The following CRAMP1 variants were observed in gnomAD, a reference collection of about 807,000 sequenced individuals.
CRAMP1 encodes the protein protein cramped-like.
Under a neutral mutation model 115.4 loss-of-function variants are expected in CRAMP1, and 50 were observed. That is an observed-to-expected ratio of 0.43 (90% CI 0.35 to 0.55). The LOEUF (loss-of-function observed/expected upper bound fraction) is 0.55. CRAMP1 is among the 20% of genes least tolerant of loss of function. The probability of loss-of-function intolerance (pLI) is 0.01; values close to 1 mark genes in which losing one functional copy is unlikely to be tolerated. For missense variants in CRAMP1, 1,679 were observed against 1,721.7 expected, an observed-to-expected ratio of 0.98 and a Z score of 0.44; for synonymous variants, 866 against 745.4, an observed-to-expected ratio of 1.16 and a Z score of -2.64.
chr16:1,618,692 G>A (rs1173993761), intron 2 of CRAMP1, among the ~76,000 whole-genome samples: 1 of 152,166 alleles, frequency 6.6e-6, no homozygotes, highest in Non-Finnish European at 1.5e-5. Flanking sequence ...ATAATCTGTG[G>A]ACTGTTTGTA....
At chr16:1,655,417 C>G in intron 9 of CRAMP1, 117 bp downstream of exon 9, 1 of 818,866 alleles carries the variant, frequency 1.2e-6, no homozygotes, top group South Asian at 1.4e-5. Flanking sequence ...AACAGCCATG[C>G]TGTGACATGG....
rs1472171242 is a variant in CRAMP1 at position 1,668,319 on chromosome 16, C to T, written c.3334+126C>T. 4 of 744,812 alleles carry T rather than the reference C, an allele frequency of 5.4e-6. No individual in the cohort carries two copies. The African/African-American group carries it at 6.9e-5, about 13-fold the overall frequency. The allele number at this position is 744,812 out of a possible 1,614,324, so 46.1% of individuals were successfully genotyped here. On this transcript the variant is annotated intron_variant, in intron 18 of 20. Transcript: ENST00000397412. ...TTACGAATTGAAAACCTGTCACCTA[C>T]AAGGTGCTGCCTGTCTCCAGCAGGG...
chr16:1,667,540 G>A (rs2142207709), intron 17 of CRAMP1, 140 bp downstream of exon 17: 2 of 695,366 alleles, frequency 2.9e-6, no homozygotes, highest in East Asian at 5.4e-5. Flanking sequence ...TCCACCTGCT[G>A]TGCCGACTGC....
Position 1,669,065 on chromosome 16 carries a change from C to G in CRAMP1, c.3399C>G (p.Ser1133=). 6.2e-7 allele frequency: 1 copy of G among 1,612,664 alleles called. No homozygotes were observed. Residue 1133 remains serine, a synonymous_variant, in exon 19 of 21, where the codon TCC becomes TCG. Transcript: ENST00000397412. This position sits in a 1 kb window ranked among gnomAD's most constrained non-coding sequence, Gnocchi z 4.6. ...NGSDSSKSLP[S]PSSSPQPHWI... ...GTGACAGTTCCAAGAGCCTTCCCTC[C>G]CCGTCCAGCAGCCCCCAGCCACACT...
intron 3 of CRAMP1, among the ~76,000 whole-genome samples, chr16:1,627,517 G>C (rs891836446): frequency 1.3e-5 from 2 of 152,190 alleles, no homozygotes; most frequent in Admixed American, 1.3e-4. Flanking sequence ...GAGATGTTTA[G>C]AGAGGCATTA....
chr16:1,655,371 C>T (rs991552043), intron 9 of CRAMP1, 71 bp downstream of exon 9: 1 of 1,211,104 alleles, frequency 8.3e-7, no homozygotes. Context: ...GACCACGCCT[C>T]CCTGTGCCTG....
chr16:1,670,404 G>C (rs1425618681), intron 19 of CRAMP1: 2 of 441,912 alleles, frequency 4.5e-6, no homozygotes, highest in African/African-American at 4.0e-5. Context: ...CCGTGATGGG[G>C]GTGGGGGATG....
Position 1,677,035 on chromosome 16 carries a change from TGTG to T in CRAMP1, c.*2992_*2994del, listed in dbSNP as rs1283007586. On this transcript the variant is annotated 3_prime_UTR_variant, in exon 21 of 21. Transcript: ENST00000397412. ...TCAAAATTTCTTCTGCAAAGAAAGT[TGTG>T]GGGCATAAGACACCGGGAATGAGGG... The T allele has an allele frequency of 6.6e-6, 1 of 152,518 alleles. No homozygotes were observed. Among genetic ancestry groups the T allele is most frequent in the East Asian group, 1.9e-4 (1 of 5,204 alleles). The allele number at this position is 152,518 out of a possible 1,614,324, so 9.4% of individuals were successfully genotyped here. A position where few individuals can be genotyped will look rare whatever the true frequency, so the allele number is the denominator to read the frequency against.
Position 1,656,909 on chromosome 16 carries a change from G to A in CRAMP1, c.2152G>A (p.Gly718Ser), listed in dbSNP as rs745825658. 9.8e-5 allele frequency: 153 copies of A among 1,553,824 alleles called. 1 individual carries two copies. Among genetic ancestry groups the A allele is most frequent in the East Asian group, 3.4e-4 (14 of 41,048 alleles). ...LGPGRQDPRP[G>S]SLPTALHKQR... ...GCCCGGCCGCCAGGACCCCCGCCCC[G>A]GCTCCCTACCCACCGCCCTCCACAA... The change falls in exon 10 of 21, where the codon GGC (glycine) becomes AGC (serine). Residue 718 changes from glycine to serine, a missense_variant. Coordinates refer to ENST00000397412, the MANE Select transcript of CRAMP1 (RefSeq NM_020825.4). The surrounding 1 kb of genome is among the most constrained non-coding windows in gnomAD (Gnocchi z 5.6).
intron 9 of CRAMP1, 62 bp from the exon 10 acceptor site, chr16:1,655,815 T>A: frequency 6.5e-7 from 1 of 1,544,232 alleles, no homozygotes; most frequent in East Asian, 2.3e-5. Flanking sequence ...TGTACCCATG[T>A]GCCTGGTCAG....
intron 5 of CRAMP1, among the ~76,000 whole-genome samples, 178 bp from the exon 6 acceptor site, chr16:1,640,961 A>C (rs936712347): frequency 2.0e-5 from 3 of 151,936 alleles, no homozygotes; most frequent in Non-Finnish European, 2.9e-5. Flanking sequence ...AGGGCAGCTG[A>C]CTCGAAGGTG....
At chr16:1,635,374 A>G (rs1443857630) in intron 4 of CRAMP1, among the ~76,000 whole-genome samples, 1 of 152,168 alleles carries the variant, frequency 6.6e-6, no homozygotes, top group Non-Finnish European at 1.5e-5. Context: ...GTTTCCATGC[A>G]CATCTGCGTT....
intron 10 of CRAMP1, among the ~76,000 whole-genome samples, chr16:1,658,869 C>T (rs191150825): frequency 5.9e-5 from 9 of 152,086 alleles, no homozygotes; most frequent in East Asian, 3.9e-4. Flanking sequence ...GAGGTTGCCC[C>T]GGGTGGGATG....
rs755303786 is a variant in CRAMP1 at position 1,656,023 on chromosome 16, C to T, written c.1266C>T (p.Cys422=). Residue 422 remains cysteine, a synonymous_variant, in exon 10 of 21, where the codon TGC becomes TGT. Transcript: ENST00000397412. This position sits in a 1 kb window ranked among gnomAD's most constrained non-coding sequence, Gnocchi z 5.6. ...GCGTGGTGCACTCCAAGGCCTTCTG[C>T]ACAGTGCACTGGCAGGAGGGCGGCC... ...VARVVHSKAF[C]TVHWQEGGRC... The T allele has an allele frequency of 1.9e-6, 3 of 1,612,696 alleles. No homozygotes were observed. The highest frequency in any genetic ancestry group is 2.2e-5 in the East Asian group (1 of 44,876).
intron 3 of CRAMP1, among the ~76,000 whole-genome samples, chr16:1,628,724 G>A (rs938729956): frequency 6.6e-6 from 1 of 152,232 alleles, no homozygotes; most frequent in Non-Finnish European, 1.5e-5. Context: ...CTTCTGCCAT[G>A]TTGTCATGGC....
At chr16:1,657,283 G>A (rs1171431307) in intron 10 of CRAMP1, among the ~76,000 whole-genome samples, 2 of 152,248 alleles carry the variant, frequency 1.3e-5, no homozygotes, top group African/African-American at 4.8e-5. Context: ...CAGAAGTGCA[G>A]TGATGAGTGG....
intron 17 of CRAMP1, among the ~76,000 whole-genome samples, chr16:1,667,674 G>A (rs1176644760): frequency 2.6e-5 from 4 of 152,164 alleles, no homozygotes; most frequent in Non-Finnish European, 5.9e-5. Flanking sequence ...CAGCTTTCTG[G>A]GAGGAGGAGG....
chr16:1,642,615 C>T (rs1459829376), intron 6 of CRAMP1, among the ~76,000 whole-genome samples: 1 of 152,226 alleles, frequency 6.6e-6, no homozygotes. Context: ...CAGTATCTGG[C>T]TTATCCTGAG....
At chr16:1,635,614 C>G (rs371609819) in intron 4 of CRAMP1, among the ~76,000 whole-genome samples, 11 of 152,196 alleles carry the variant, frequency 7.2e-5, no homozygotes, top group African/African-American at 2.2e-4. Context: ...GTGCTACTTT[C>G]TTGTTTCTGG....
Sources: allele counts gnomAD v4.1 joint callset (sites outside exome capture counted in the v4.1 genomes callset), GRCh38; gene constraint gnomAD v4.1.1; non-coding constraint Gnocchi (gnomAD v3.1); transcripts MANE v1.5; gene names NCBI Gene and HGNC (gene_info 2026-07-23, HGNC 2026-07-21).